The following ACTR3C variants were observed in gnomAD, a reference collection of about 807,000 sequenced individuals.
ACTR3C encodes actin-related protein 3C.
ACTR3C carries 18 observed loss-of-function variants against 26.3 expected under a neutral mutation model. The ratio of observed to expected loss-of-function variants is 0.68; its 90% confidence interval spans 0.47 to 1.01. The LOEUF (loss-of-function observed/expected upper bound fraction) is 1.01. ACTR3C is among the 50% of genes least tolerant of loss of function. ACTR3C has a pLI of 0.00. For missense variants in ACTR3C, 184 were observed against 250.7 expected (o/e 0.73, Z 1.80); for synonymous variants, 55 against 94.5 (o/e 0.58, Z 2.42).
the ACTR3C span, among the ~76,000 whole-genome samples, chr7:149,897,136 C>G: frequency 6.7e-6 from 1 of 149,940 alleles, no homozygotes; most frequent in Non-Finnish European, 1.5e-5. Context: ...CCACTTCAGA[C>G]AGAGTTTGCA....
intron 6 of ACTR3C, among the ~76,000 whole-genome samples, chr7:150,279,657 G>A (rs745503819): frequency 6.6e-6 from 1 of 151,920 alleles, no homozygotes; most frequent in Non-Finnish European, 1.5e-5. Flanking sequence ...TTCTATCTGC[G>A]CTCATTATCT....
chr7:150,251,026 A>T (rs1832815215), intron 6 of ACTR3C, among the ~76,000 whole-genome samples: 1 of 152,218 alleles, frequency 6.6e-6, no homozygotes, highest in South Asian at 2.1e-4. Flanking sequence ...TCAGCAAACA[A>T]GAATGAGGGG....
At chr7:150,149,536 A>G in the ACTR3C span, among the ~76,000 whole-genome samples, 2 of 104,954 alleles carry the variant, frequency 1.9e-5, no homozygotes, top group African/African-American at 3.8e-5. Context: ...GATGTTCCCC[A>G]CCCTGTGTCC....
the ACTR3C span, among the ~76,000 whole-genome samples, chr7:150,065,180 A>C: frequency 6.6e-6 from 1 of 152,102 alleles, no homozygotes; most frequent in African/African-American, 2.4e-5. Flanking sequence ...GCAAGGAAAA[A>C]ATTGCATTCT....
the ACTR3C span, among the ~76,000 whole-genome samples, chr7:150,154,817 A>T: frequency 1.3e-5 from 2 of 152,178 alleles, no homozygotes; most frequent in African/African-American, 4.8e-5. Flanking sequence ...GATACCAGAC[A>T]CAATACCCAG....
At chr7:149,989,660 G>A in the ACTR3C span, among the ~76,000 whole-genome samples, 33 of 152,262 alleles carry the variant, frequency 2.2e-4, no homozygotes, top group Non-Finnish European at 3.2e-4. Flanking sequence ...TACACCACAC[G>A]TTTCTTATCC....
chr7:150,232,959 A>T, the ACTR3C span, among the ~76,000 whole-genome samples: 1 of 152,190 alleles, frequency 6.6e-6, no homozygotes, highest in Non-Finnish European at 1.5e-5. Flanking sequence ...ATATGATACC[A>T]TCATCGTATT....
the ACTR3C span, among the ~76,000 whole-genome samples, chr7:150,033,972 G>A: frequency 2.1e-4 from 31 of 148,836 alleles, no homozygotes; most frequent in Admixed American, 2.0e-4. Context: ...GAAGGGGGAC[G>A]TTCGCAGTCC....
chr7:150,148,837 C>T, the ACTR3C span, among the ~76,000 whole-genome samples: 1 of 151,896 alleles, frequency 6.6e-6, no homozygotes, highest in Non-Finnish European at 1.5e-5. Flanking sequence ...CTTTTACAAA[C>T]AATGCTGCAG....
At chr7:149,882,645 C>G in the ACTR3C span, among the ~76,000 whole-genome samples, 3 of 152,198 alleles carry the variant, frequency 2.0e-5, no homozygotes, top group Non-Finnish European at 4.4e-5. Flanking sequence ...GAGGTGGGAA[C>G]CTGCAGGGTA....
chr7:150,006,684 A>T, the ACTR3C span, among the ~76,000 whole-genome samples: 4 of 151,804 alleles, frequency 2.6e-5, no homozygotes, highest in South Asian at 4.2e-4. Flanking sequence ...TTCTCAGCTC[A>T]ACGGACCAGA....
chr7:149,882,415 G>T, the ACTR3C span, among the ~76,000 whole-genome samples: 1 of 152,194 alleles, frequency 6.6e-6, no homozygotes, highest in African/African-American at 2.4e-5. Flanking sequence ...CTGGAGAGCT[G>T]CTCGCTGCTC....
At chr7:150,286,583 C>A in intron 4 of ACTR3C, 43 bp from the exon 5 acceptor site, 1 of 1,597,044 alleles carries the variant, frequency 6.3e-7, no homozygotes, top group Non-Finnish European at 8.5e-7. Flanking sequence ...TAACAACTGC[C>A]CAGTGTCTCT....
chr7:149,931,162 G>A, the ACTR3C span, among the ~76,000 whole-genome samples: 33 of 152,216 alleles, frequency 2.2e-4, no homozygotes, highest in Admixed American at 2.6e-4. Flanking sequence ...CACTGAGCCC[G>A]GCCATATGAA....
At chr7:150,191,509 A>G in the ACTR3C span, among the ~76,000 whole-genome samples, 1 of 152,210 alleles carries the variant, frequency 6.6e-6, no homozygotes, top group African/African-American at 2.4e-5. Flanking sequence ...TTGAATTAAC[A>G]TATGCACTGC....
chr7:150,010,745 T>G, the ACTR3C span, among the ~76,000 whole-genome samples: 628 of 148,574 alleles, frequency 4.2e-3, no homozygotes, highest in Non-Finnish European at 7.0e-3. Flanking sequence ...TCACTGTATA[T>G]CTGCAGAACT....
At chr7:150,036,845 G>A in the ACTR3C span, among the ~76,000 whole-genome samples, 112 of 124,872 alleles carry the variant, frequency 9.0e-4, 11 homozygotes, top group African/African-American at 3.0e-3. Flanking sequence ...TAGGAGCAAC[G>A]ATGGGGGGTC....
chr7:149,907,597 CTAAGGT>C, the ACTR3C span, among the ~76,000 whole-genome samples: 1 of 151,158 alleles, frequency 6.6e-6, no homozygotes, highest in Non-Finnish European at 1.5e-5. Context: ...TCTGCGACTG[CTAAGGT>C]TCTGATAGCT....
chr7:150,165,720 C>T, the ACTR3C span, among the ~76,000 whole-genome samples: 1 of 151,906 alleles, frequency 6.6e-6, no homozygotes, highest in African/African-American at 2.4e-5. Flanking sequence ...CCCTCTTGTG[C>T]AGTGCACAGC....
Sources: allele counts gnomAD v4.1 joint callset (sites outside exome capture counted in the v4.1 genomes callset), GRCh38; gene constraint gnomAD v4.1.1; transcripts MANE v1.5; gene names NCBI Gene and HGNC (gene_info 2026-07-23, HGNC 2026-07-21).